Variants in ENO4 observed in about 807,000 individuals in gnomAD.
ENO4 encodes the protein enolase 4, also known as 2-phospho-D-glycerate hydro-lyase.
In ENO4, 53 loss-of-function variants were observed where a neutral mutation model predicts 63.2. That is an observed-to-expected ratio of 0.84 (90% CI 0.67 to 1.05). The LOEUF (loss-of-function observed/expected upper bound fraction) is 1.05, where lower values mean the gene tolerates loss of function less well. Among genes scored for constraint, ENO4 ranks in the 50% least tolerant of loss-of-function variants. The pLI is 0.00. For synonymous variants in ENO4, 266 were observed against 283.8 expected (o/e 0.94, Z 0.63); for missense variants, 719 against 772.0 (o/e 0.93, Z 0.81).
chr10:116,860,176 G>A (rs1218651468), intron 4 of ENO4, among the ~76,000 whole-genome samples: 1 of 152,200 alleles, frequency 6.6e-6, no homozygotes, highest in Non-Finnish European at 1.5e-5. Flanking sequence ...ACGGACAAGA[G>A]GAACACTAGA....
At chr10:116,884,166 A>G, downstream of ENO4, 1 of 454,360 alleles carries the variant, frequency 2.2e-6, no homozygotes, top group Non-Finnish European at 4.4e-6. Flanking sequence ...GACGTATGTA[A>G]GTTTTGTGTG....
chr10:116,905,086 A>T (rs1170748370), intron 10 of ENO4, among the ~76,000 whole-genome samples: 18 of 151,680 alleles, frequency 1.2e-4, no homozygotes, highest in Admixed American at 4.6e-4. Context: ...CTGTAGTCCC[A>T]GCTACTGGGG....
At chr10:116,894,378 T>C (rs932848324) in intron 10 of ENO4, among the ~76,000 whole-genome samples, 2 of 152,206 alleles carry the variant, frequency 1.3e-5, no homozygotes, top group Non-Finnish European at 2.9e-5. Context: ...TAGGGCAGCA[T>C]GTAACCTCTT....
intron 13 of ENO4, 26 bp from the exon 14 acceptor site, chr10:116,881,489 G>A: frequency 6.6e-7 from 1 of 1,510,846 alleles, no homozygotes; most frequent in African/African-American, 1.4e-5. Flanking sequence ...GGATTAGACA[G>A]TAAACTTTAT....
At chr10:116,902,099 T>C (rs2133325500) in intron 10 of ENO4, 3 of 718,026 alleles carry the variant, frequency 4.2e-6, no homozygotes, top group Non-Finnish European at 6.6e-6. Flanking sequence ...CTGGAAAATG[T>C]TGTTGGAAAT....
intron 10 of ENO4, among the ~76,000 whole-genome samples, chr10:116,894,238 A>G (rs1416783440): frequency 6.6e-6 from 1 of 152,240 alleles, no homozygotes; most frequent in Non-Finnish European, 1.5e-5. Context: ...AGTCACATGT[A>G]TTTAGAGATA....
At chr10:116,878,185 C>G (rs1846889847) in intron 11 of ENO4, among the ~76,000 whole-genome samples, 1 of 152,178 alleles carries the variant, frequency 6.6e-6, no homozygotes, top group African/African-American at 2.4e-5. Context: ...GCATCTTGTA[C>G]ACTTATGCAG....
At chr10:116,886,609 G>A (rs199659749), downstream of ENO4, 224 of 1,608,074 alleles carry the variant, frequency 1.4e-4, no homozygotes, top group East Asian at 4.9e-3. Context: ...AAAGCAGAGA[G>A]AGAAAATAGT....
At chr10:116,911,927 G>A, downstream of ENO4, 1 of 971,024 alleles carries the variant, frequency 1.0e-6, no homozygotes, top group Non-Finnish European at 1.7e-6. Context: ...CAAACTATTA[G>A]TAGCCTTATA....
At chr10:116,892,464 T>C (rs888889621) in intron 10 of ENO4, among the ~76,000 whole-genome samples, 1 of 152,206 alleles carries the variant, frequency 6.6e-6, no homozygotes, top group African/African-American at 2.4e-5. Flanking sequence ...TCCACTCAGA[T>C]TCCAGCTATT....
At position 116,849,740 on chromosome 10, in the gene ENO4, C is replaced by A; in HGVS notation, c.165+9C>A. 1 of 1,503,862 alleles carries A rather than the reference C, an allele frequency of 6.6e-7. No homozygotes were observed. The allele number at this position is 1,503,862 out of a possible 1,614,324, so 93.2% of individuals were successfully genotyped here. The stretch of plus-strand genomic sequence containing the variant: ...ACGTCTACGGGCACCTGGTAGGGAC[C>A]TGGGACAAGCGCTCTCCTCCCGCCA... On this transcript the variant is annotated intron_variant, in intron 1 of 13. Coordinates refer to ENST00000341276, the MANE Select transcript of ENO4 (RefSeq NM_001242699.2).
intron 10 of ENO4, 46 bp downstream of exon 10, chr10:116,874,247 T>A: frequency 6.9e-7 from 1 of 1,442,936 alleles, no homozygotes; most frequent in Non-Finnish European, 9.3e-7. Flanking sequence ...TTATATGCCA[T>A]AAGATAGGCA....
chr10:116,911,042 G>A (rs1157210875), intron 10 of ENO4, among the ~76,000 whole-genome samples: 7 of 152,120 alleles, frequency 4.6e-5, no homozygotes, highest in Non-Finnish European at 8.8e-5. Flanking sequence ...TTGTACCTCC[G>A]CCCCCATGTT....
chr10:116,877,426 A>C (rs1047228960), intron 11 of ENO4, among the ~76,000 whole-genome samples: 1 of 152,178 alleles, frequency 6.6e-6, no homozygotes, highest in Non-Finnish European at 1.5e-5. Context: ...GGGGAAGTCT[A>C]GGAGGGATCA....
rs1183621013 is a variant in ENO4 at position 116,882,390 on chromosome 10, G to GC, written c.*722dup. The GC allele has an allele frequency of 7.6e-6, 1 of 131,936 alleles. No homozygotes were observed. Among genetic ancestry groups the GC allele is most frequent in the African/African-American group, 2.9e-5 (1 of 34,064 alleles). 8.2% of individuals were successfully genotyped at this position (131,936 alleles called of 1,614,324 possible). On this transcript the variant is annotated 3_prime_UTR_variant, in exon 14 of 14. Coordinates refer to ENST00000341276, the MANE Select transcript of ENO4 (RefSeq NM_001242699.2). ...TACCACAGCATTTAAAAAGCAATCC[G>GC]CAAGTGATAAAAAAAAAAAAAAAAA...
At position 116,901,805 on chromosome 10, in the gene ENO4, G is replaced by A. The variant is rs200753974; in HGVS notation, c.1195-9694G>A. The A allele has an allele frequency of 4.6e-5, 73 of 1,600,360 alleles. No individual in the cohort carries two copies. Among genetic ancestry groups the A allele is most frequent in the East Asian group, 9.0e-5 (4 of 44,280 alleles). On this transcript the variant is annotated intron_variant, in intron 10 of 10. Coordinates refer to the ENO4 transcript ENST00000369207. The stretch of plus-strand genomic sequence containing the variant: ...GAACTTGTGCATCCTTCCAATTTAC[G>A]GGGCCCTTCACCTGGCTCAGGTGTT...
In ENO4 at chr10:116,879,782, GAC is replaced by G. The variant is rs1313856950; in HGVS notation, c.1606-85_1606-84del. 16 of 1,020,614 alleles carry G rather than the reference GAC, an allele frequency of 1.6e-5. No individual in the cohort carries two copies. In the African/African-American group the frequency reaches 2.3e-4, roughly 14 times the overall value. 63.2% of individuals were successfully genotyped at this position (1,020,614 alleles called of 1,614,324 possible). The stretch of plus-strand genomic sequence containing the variant: ...GAGAAAATCCCAAACAGCACACTGT[GAC>G]AGTTTCCTTTGTCTTTAAAGAATTG... On this transcript the variant is annotated intron_variant, in intron 12 of 13. Coordinates refer to ENST00000341276, the MANE Select transcript of ENO4 (RefSeq NM_001242699.2).
intron 10 of ENO4, chr10:116,901,171 C>T: frequency 1.0e-6 from 1 of 985,354 alleles, no homozygotes; most frequent in Non-Finnish European, 1.2e-6. Flanking sequence ...AAAGAGCTGC[C>T]ATTGTTATAA....
intron 1 of ENO4, chr10:116,850,254 A>C: frequency 5.5e-6 from 1 of 180,534 alleles, no homozygotes; most frequent in Non-Finnish European, 1.2e-5. Context: ...CCCGCCCTAA[A>C]CTCCAAAATT....
Sources: allele counts gnomAD v4.1 joint callset (sites outside exome capture counted in the v4.1 genomes callset), GRCh38; gene constraint gnomAD v4.1.1; transcripts MANE v1.5; gene names NCBI Gene and HGNC (gene_info 2026-07-23, HGNC 2026-07-21).